Variants in MSH3 observed in about 807,000 individuals in gnomAD.
MSH3 encodes DNA mismatch repair protein Msh3.
A neutral mutation model predicts 123.3 loss-of-function variants in MSH3; 106 were observed. That is an observed-to-expected ratio of 0.86 (90% confidence interval 0.73 to 1.01). The LOEUF (loss-of-function observed/expected upper bound fraction) is 1.01. MSH3 is among the 50% of genes least tolerant of loss of function. MSH3 has a pLI of 0.00. For synonymous variants in MSH3, 515 were observed against 481.4 expected, an observed-to-expected ratio of 1.07 and a Z score of -0.91; for missense variants, 1,459 against 1,347.6, an observed-to-expected ratio of 1.08 and a Z score of -1.29.
At chr5:80,844,450 T>A (rs1367050124) in intron 20 of MSH3, among the ~76,000 whole-genome samples, 3 of 152,168 alleles carry the variant, frequency 2.0e-5, no homozygotes, top group Admixed American at 1.3e-4. Context: ...GTCCTGGATA[T>A]CCTTGTTAAC....
intron 12 of MSH3, among the ~76,000 whole-genome samples, chr5:80,745,720 C>T (rs1478717063): frequency 6.6e-6 from 1 of 152,228 alleles, no homozygotes; most frequent in Non-Finnish European, 1.5e-5. Flanking sequence ...TGGTGGAACA[C>T]CTCATCACAG....
At chr5:80,729,969 A>C (rs1312239004) in intron 10 of MSH3, among the ~76,000 whole-genome samples, 1 of 152,144 alleles carries the variant, frequency 6.6e-6, no homozygotes, top group Non-Finnish European at 1.5e-5. Flanking sequence ...ACTAGGAAAC[A>C]AGGAGGTGGT....
Position 80,768,018 on chromosome 5 carries a change from C to A in MSH3, c.1982C>A (p.Ser661Tyr). ...CAAGCAATAATACCTGCTGTTAATT[C>A]CCACATTCAGTCAGACTTGCTCCGG... ...EFQAIIPAVNSHIQSDLLRTV... is the reference protein window; with the variant it reads ...EFQAIIPAVNYHIQSDLLRTV... Residue 661 changes from serine to tyrosine, a missense_variant, in exon 14 of 24, where the codon TCC becomes TAC. By Grantham distance (144) the Ser-to-Tyr change is moderately radical. Transcript: ENST00000265081. The A allele has an allele frequency of 6.2e-7, 1 of 1,613,560 alleles. No individual in the cohort carries two copies.
chr5:80,797,973 T>C (rs997669555), intron 19 of MSH3, among the ~76,000 whole-genome samples: 1 of 152,088 alleles, frequency 6.6e-6, no homozygotes, highest in South Asian at 2.1e-4. Context: ...TTTTAGTGGA[T>C]GGATTTTCAA....
At chr5:80,748,420 T>C (rs1743760879) in intron 12 of MSH3, among the ~76,000 whole-genome samples, 1 of 152,160 alleles carries the variant, frequency 6.6e-6, no homozygotes, top group African/African-American at 2.4e-5. Flanking sequence ...TTCACTTAGA[T>C]TATTGAGGCT....
chr5:80,789,935 G>A (rs969042005), intron 18 of MSH3, among the ~76,000 whole-genome samples: 1 of 152,052 alleles, frequency 6.6e-6, no homozygotes, highest in Non-Finnish European at 1.5e-5. Context: ...AAAACAATGG[G>A]ATAACGCTGT....
At chr5:80,777,764 G>T (rs961304600) in intron 16 of MSH3, among the ~76,000 whole-genome samples, 1 of 152,134 alleles carries the variant, frequency 6.6e-6, no homozygotes, top group Admixed American at 6.6e-5. Flanking sequence ...AAATTAAAGT[G>T]CAACAGTGTA....
intron 10 of MSH3, among the ~76,000 whole-genome samples, chr5:80,735,609 T>C (rs1271610477): frequency 6.6e-6 from 1 of 151,940 alleles, no homozygotes; most frequent in African/African-American, 2.4e-5. Context: ...GAGAATTGCT[T>C]GAACCCAGGA....
chr5:80,789,407 G>C (rs1007216039), intron 18 of MSH3, among the ~76,000 whole-genome samples: 1 of 143,244 alleles, frequency 7.0e-6, no homozygotes, highest in African/African-American at 2.6e-5. Flanking sequence ...GTCTCACTCT[G>C]TGGCCCAGGC....
chr5:80,854,472 C>T (rs1409804601), intron 21 of MSH3, among the ~76,000 whole-genome samples, 156 bp downstream of exon 21: 3 of 152,126 alleles, frequency 2.0e-5, no homozygotes, highest in South Asian at 4.1e-4. Context: ...TTAACACATT[C>T]CTCACCTCAT....
chr5:80,684,312 TG>T (rs1750037083), intron 8 of MSH3, among the ~76,000 whole-genome samples: 1 of 152,206 alleles, frequency 6.6e-6, no homozygotes, highest in Non-Finnish European at 1.5e-5. Flanking sequence ...TTCATGAACA[TG>T]TAATATCTTT....
intron 10 of MSH3, among the ~76,000 whole-genome samples, chr5:80,733,209 G>T (rs1332551284): frequency 6.6e-6 from 1 of 152,156 alleles, no homozygotes; most frequent in East Asian, 1.9e-4. Context: ...TGACAGGGGT[G>T]TTAAGACAAT....
chr5:80,674,920 G>A (rs540294263), intron 6 of MSH3, 63 bp from the exon 7 acceptor site: 76 of 1,315,662 alleles, frequency 5.8e-5, no homozygotes, highest in South Asian at 3.0e-4. Flanking sequence ...TAATATTATT[G>A]GAAATTTAGC....
chr5:80,728,204 A>G (rs1743338286), intron 9 of MSH3, among the ~76,000 whole-genome samples: 1 of 152,216 alleles, frequency 6.6e-6, no homozygotes, highest in Non-Finnish European at 1.5e-5. Flanking sequence ...TACATTTTAA[A>G]AAGAATTCCT....
At chr5:80,725,310 T>C in intron 8 of MSH3, 143 bp from the exon 9 acceptor site, 1 of 624,638 alleles carries the variant, frequency 1.6e-6, no homozygotes, top group Non-Finnish European at 2.8e-6. Flanking sequence ...CTTTAGCTCT[T>C]TCTTTCTCTC....
chr5:80,732,367 C>T (rs548597043), intron 10 of MSH3, among the ~76,000 whole-genome samples: 1 of 151,564 alleles, frequency 6.6e-6, no homozygotes, highest in African/African-American at 2.4e-5. Flanking sequence ...ACTGTAAAAC[C>T]TTTTTTTTAA....
At chr5:80,667,088 A>G (rs1234901351) in intron 3 of MSH3, among the ~76,000 whole-genome samples, 1 of 152,240 alleles carries the variant, frequency 6.6e-6, no homozygotes, top group East Asian at 1.9e-4. Flanking sequence ...ACTTAAAATG[A>G]AAGTTAAAAA....
intron 20 of MSH3, among the ~76,000 whole-genome samples, chr5:80,826,298 T>G (rs1745298542): frequency 6.6e-6 from 1 of 152,248 alleles, no homozygotes; most frequent in African/African-American, 2.4e-5. Flanking sequence ...AATATGTTAT[T>G]GTAAATCACT....
intron 22 of MSH3, among the ~76,000 whole-genome samples, chr5:80,869,841 T>TATACACAC (rs376147429): frequency 1.5e-5 from 2 of 132,522 alleles, no homozygotes; most frequent in African/African-American, 5.7e-5. Context: ...TACATATATA[T>TATACACAC]ACACACACAC....
Sources: gnomAD v4.1 joint callset for allele counts (sites outside exome capture counted in the v4.1 genomes callset) on GRCh38, gnomAD v4.1.1 for gene constraint, MANE v1.5 for transcripts, NCBI Gene and HGNC (gene_info 2026-07-23, HGNC 2026-07-21) for gene names.